The following PLCB1 variants were observed in gnomAD, a reference collection of about 807,000 sequenced individuals.
PLCB1 encodes the protein phospholipase C beta 1, also known as 1-phosphatidylinositol 4,5-bisphosphate phosphodiesterase beta-1.
A neutral mutation model predicts 161.8 loss-of-function variants in PLCB1; 46 were observed. The ratio of observed to expected loss-of-function variants is 0.28; its 90% confidence interval spans 0.22 to 0.36. The LOEUF (loss-of-function observed/expected upper bound fraction) is 0.36. Among genes scored for constraint, PLCB1 ranks in the 10% least tolerant of loss-of-function variants. The probability of loss-of-function intolerance (pLI) is 1.00; values close to 1 mark genes in which losing one functional copy is unlikely to be tolerated. For synonymous variants in PLCB1, 517 were observed against 503.7 expected (o/e 1.03, Z -0.35); for missense variants, 1,016 against 1,472.5 (o/e 0.69, Z 5.07).
intron 3 of PLCB1, among the ~76,000 whole-genome samples, chr20:8,619,553 G>T (rs899369820): frequency 7.9e-5 from 12 of 152,086 alleles, no homozygotes; most frequent in African/African-American, 2.9e-4. Context: ...TTATGTACAT[G>T]TGATACATTA....
At chr20:8,365,557 G>A (rs116520633) in intron 2 of PLCB1, among the ~76,000 whole-genome samples, 1 of 152,062 alleles carries the variant, frequency 6.6e-6, no homozygotes, top group Non-Finnish European at 1.5e-5. Flanking sequence ...CCTCAGAAGT[G>A]GAATAAAGTT....
chr20:8,824,957 C>T (rs1985618472), intron 31 of PLCB1, among the ~76,000 whole-genome samples: 1 of 152,156 alleles, frequency 6.6e-6, no homozygotes, highest in Non-Finnish European at 1.5e-5. Context: ...ACACTGGCCA[C>T]AGAGGTGAAG....
intron 2 of PLCB1, among the ~76,000 whole-genome samples, chr20:8,275,440 C>A (rs1445758955): frequency 6.6e-6 from 1 of 152,086 alleles, no homozygotes; most frequent in Admixed American, 6.6e-5. Flanking sequence ...ACCAGGACAC[C>A]CATTCAACTT....
At chr20:8,683,692 A>G (rs975516180) in intron 9 of PLCB1, among the ~76,000 whole-genome samples, 1 of 152,324 alleles carries the variant, frequency 6.6e-6, no homozygotes, top group East Asian at 1.9e-4. Flanking sequence ...AGGTTACAAC[A>G]TAGAAAAATT....
chr20:8,878,575 C>T (rs1362570690), intron 31 of PLCB1, among the ~76,000 whole-genome samples: 1 of 152,150 alleles, frequency 6.6e-6, no homozygotes, highest in East Asian at 1.9e-4. Flanking sequence ...CCCCTCACAG[C>T]ATGTTTCCTC....
chr20:8,459,852 C>A (rs562608173), intron 3 of PLCB1, among the ~76,000 whole-genome samples: 2 of 152,178 alleles, frequency 1.3e-5, no homozygotes, highest in Admixed American at 1.3e-4. Context: ...GTATATTCAA[C>A]AATAGGATTT....
intron 23 of PLCB1, chr20:8,751,564 G>C (rs546751446): frequency 5.7e-4 from 87 of 152,188 alleles, no homozygotes; most frequent in African/African-American, 1.9e-3. Context: ...ATTAGGAAGC[G>C]TACAAATTCT....
chr20:8,618,122 C>G (rs535360073), intron 3 of PLCB1, among the ~76,000 whole-genome samples: 1 of 152,066 alleles, frequency 6.6e-6, no homozygotes, highest in Non-Finnish European at 1.5e-5. Flanking sequence ...TTTTAAAAAT[C>G]CTCTGGGAAA....
At chr20:8,181,931 T>C (rs2051848163) in intron 2 of PLCB1, among the ~76,000 whole-genome samples, 1 of 152,192 alleles carries the variant, frequency 6.6e-6, no homozygotes, top group African/African-American at 2.4e-5. Context: ...ATTGTGCCAC[T>C]GCACTCCAGC....
At chr20:8,542,386 A>G (rs1262946976) in intron 3 of PLCB1, among the ~76,000 whole-genome samples, 1 of 152,206 alleles carries the variant, frequency 6.6e-6, no homozygotes, top group Non-Finnish European at 1.5e-5. Flanking sequence ...ATTTTAAACA[A>G]TAAGTTTGTT....
chr20:8,399,074 C>T (rs1978427179), intron 3 of PLCB1, among the ~76,000 whole-genome samples: 1 of 149,158 alleles, frequency 6.7e-6, no homozygotes. Context: ...GAAAATTCAC[C>T]TATAGCTTCT....
intron 2 of PLCB1, among the ~76,000 whole-genome samples, chr20:8,275,509 T>C (rs1982496997): frequency 6.6e-6 from 1 of 152,158 alleles, no homozygotes; most frequent in Non-Finnish European, 1.5e-5. Context: ...GACTCAACCA[T>C]TGACTTGGAG....
At chr20:8,567,994 A>G (rs1986394671) in intron 3 of PLCB1, among the ~76,000 whole-genome samples, 1 of 152,224 alleles carries the variant, frequency 6.6e-6, no homozygotes, top group African/African-American at 2.4e-5. Context: ...TCTAAAATGC[A>G]GTGTTTTGAA....
intron 2 of PLCB1, among the ~76,000 whole-genome samples, chr20:8,370,546 A>G (rs1986872572): frequency 6.6e-6 from 1 of 152,170 alleles, no homozygotes; most frequent in Non-Finnish European, 1.5e-5. Flanking sequence ...AGGTTCAGCC[A>G]AAACCTCTGG....
chr20:8,496,340 A>T (rs1013104253), intron 3 of PLCB1, among the ~76,000 whole-genome samples: 3 of 151,952 alleles, frequency 2.0e-5, no homozygotes, highest in African/African-American at 4.8e-5. Flanking sequence ...AAAAAAAAAA[A>T]AAAAAAAAAT....
intron 3 of PLCB1, among the ~76,000 whole-genome samples, chr20:8,605,736 C>T (rs1037974066): frequency 2.6e-5 from 4 of 151,504 alleles, no homozygotes; most frequent in African/African-American, 4.8e-5. Context: ...CTAGTGTACC[C>T]ACCACCCAAA....
chr20:8,379,932 T>C (rs184139721), intron 3 of PLCB1, among the ~76,000 whole-genome samples: 2 of 152,348 alleles, frequency 1.3e-5, no homozygotes, highest in East Asian at 3.9e-4. Flanking sequence ...ACTCTGATGA[T>C]AGTTTCTTTT....
intron 1 of PLCB1, among the ~76,000 whole-genome samples, chr20:8,138,771 G>C (rs2051373314): frequency 6.6e-6 from 1 of 152,124 alleles, no homozygotes; most frequent in Admixed American, 6.5e-5. Context: ...TATAAAGGAT[G>C]CTTATGTTCT....
intron 31 of PLCB1, among the ~76,000 whole-genome samples, chr20:8,798,145 C>T (rs879280060): frequency 2.6e-5 from 4 of 151,374 alleles, no homozygotes; most frequent in Admixed American, 6.6e-5. Flanking sequence ...TGCAGTGAGC[C>T]GAGATCATGC....
Sources: allele counts gnomAD v4.1 joint callset (sites outside exome capture counted in the v4.1 genomes callset), GRCh38; gene constraint gnomAD v4.1.1; transcripts MANE v1.5; gene names NCBI Gene and HGNC (gene_info 2026-07-23, HGNC 2026-07-21).